The following L3MBTL4 variants were observed in gnomAD, a reference collection of about 807,000 sequenced individuals.
L3MBTL4 encodes lethal(3)malignant brain tumor-like protein 4.
A neutral mutation model predicts 84.5 loss-of-function variants in L3MBTL4; 70 were observed. That is an observed-to-expected ratio of 0.83 (90% CI 0.68 to 1.01). The LOEUF (loss-of-function observed/expected upper bound fraction) is 1.01, where lower values mean the gene tolerates loss of function less well. L3MBTL4 is among the 50% of genes least tolerant of loss of function. L3MBTL4 has a pLI of 0.00. For synonymous variants in L3MBTL4, 274 were observed against 259.8 expected, an observed-to-expected ratio of 1.05 and a Z score of -0.52; for missense variants, 715 against 754.8, an observed-to-expected ratio of 0.95 and a Z score of 0.62.
At chr18:5,978,327 C>G (rs989106102) in intron 16 of L3MBTL4, among the ~76,000 whole-genome samples, 16 of 152,178 alleles carry the variant, frequency 1.1e-4, no homozygotes, top group African/African-American at 3.4e-4. Flanking sequence ...ATAGGTTAGT[C>G]ATCCAATACA....
At chr18:5,962,524 C>G (rs1440036175) in intron 17 of L3MBTL4, among the ~76,000 whole-genome samples, 1 of 152,098 alleles carries the variant, frequency 6.6e-6, no homozygotes, top group Non-Finnish European at 1.5e-5. Flanking sequence ...GAGCCCTGAG[C>G]CTTGGCACTC....
intron 12 of L3MBTL4, among the ~76,000 whole-genome samples, chr18:6,189,693 A>G (rs1430655236): frequency 6.6e-6 from 1 of 152,218 alleles, no homozygotes; most frequent in African/African-American, 2.4e-5. Context: ...ATGATCTAAA[A>G]AGGAACAAAA....
intron 16 of L3MBTL4, among the ~76,000 whole-genome samples, chr18:5,989,417 G>A (rs2053594553): frequency 6.6e-6 from 1 of 152,150 alleles, no homozygotes. Flanking sequence ...AAACCATATA[G>A]ATAAATCTGT....
intron 5 of L3MBTL4, among the ~76,000 whole-genome samples, chr18:6,263,269 C>CA (rs750079581): frequency 0.052 from 3,144 of 60,514 alleles, 63 homozygotes; most frequent in East Asian, 0.19. Context: ...CTCCGTCTCA[C>CA]AAAAAAAAAA....
chr18:6,278,862 C>T (rs1385499929), intron 4 of L3MBTL4, among the ~76,000 whole-genome samples: 1 of 148,032 alleles, frequency 6.8e-6, no homozygotes, highest in Non-Finnish European at 1.5e-5. Context: ...CTCGCTTTTA[C>T]TTAAAAAAAA....
chr18:5,994,636 A>G (rs565843143), intron 16 of L3MBTL4, among the ~76,000 whole-genome samples: 69 of 152,270 alleles, frequency 4.5e-4, no homozygotes, highest in African/African-American at 1.6e-3. Flanking sequence ...CTCCCATGCC[A>G]CTGTACTGCT....
At chr18:6,147,610 C>T (rs969945232) in intron 13 of L3MBTL4, among the ~76,000 whole-genome samples, 4 of 152,120 alleles carry the variant, frequency 2.6e-5, no homozygotes, top group Non-Finnish European at 5.9e-5. Context: ...TAACCATCTG[C>T]CTGACATAGG....
At chr18:6,404,608 G>C (rs942182277) in intron 1 of L3MBTL4, among the ~76,000 whole-genome samples, 1 of 152,122 alleles carries the variant, frequency 6.6e-6, no homozygotes, top group Non-Finnish European at 1.5e-5. Context: ...ACCTTGAAGG[G>C]AACTGGATAA....
chr18:6,233,979 G>A (rs371957206), intron 10 of L3MBTL4, among the ~76,000 whole-genome samples: 3 of 152,038 alleles, frequency 2.0e-5, no homozygotes, highest in South Asian at 2.1e-4. Context: ...ATATAGACCA[G>A]TGGAACAGAA....
At chr18:6,139,440 C>A (rs978795551) in intron 13 of L3MBTL4, among the ~76,000 whole-genome samples, 4 of 152,040 alleles carry the variant, frequency 2.6e-5, no homozygotes, top group African/African-American at 9.7e-5. Flanking sequence ...GTAGCAAAAC[C>A]TCCATGCCCT....
intron 4 of L3MBTL4, among the ~76,000 whole-genome samples, chr18:6,299,369 C>A (rs1159310660): frequency 6.6e-6 from 1 of 152,038 alleles, no homozygotes; most frequent in South Asian, 2.1e-4. Flanking sequence ...GTTTTCTCTG[C>A]CTTTGTGTTA....
Position 6,077,602 on chromosome 18 carries a change from T to C in L3MBTL4, c.1444+3279A>G, listed in dbSNP as rs117101929. Among the ~76,000 whole-genome samples the C allele has an allele frequency of 3.9e-3, 587 of 151,856 alleles. 1 individual carries two copies. The highest frequency in any genetic ancestry group is 7.5e-3 in the Non-Finnish European group (508 of 67,980). The stretch of plus-strand genomic sequence containing the variant: ...GTGAAAATGGAAAACATGCCCAAGA[T>C]ATAAAAAACAGAATCTGCGTGTGCA... On this transcript the variant is annotated intron_variant, in intron 16 of 18. Coordinates refer to ENST00000317931, the MANE Select transcript of L3MBTL4 (RefSeq NM_001330559.2).
At chr18:6,007,738 T>TC in intron 16 of L3MBTL4, among the ~76,000 whole-genome samples, 1 of 152,166 alleles carries the variant, frequency 6.6e-6, no homozygotes, top group Non-Finnish European at 1.5e-5. Flanking sequence ...TAATGATATA[T>TC]CCATCCAGTG....
intron 1 of L3MBTL4, among the ~76,000 whole-genome samples, chr18:6,315,300 C>G (rs1369027563): frequency 6.6e-6 from 1 of 152,188 alleles, no homozygotes; most frequent in African/African-American, 2.4e-5. Flanking sequence ...CCAGTTGATA[C>G]TCGATGTTAA....
chr18:6,026,290 T>G (rs556849571), intron 16 of L3MBTL4, among the ~76,000 whole-genome samples: 1 of 152,370 alleles, frequency 6.6e-6, no homozygotes, highest in South Asian at 2.1e-4. Flanking sequence ...TTGACCATTA[T>G]TTCAAGTGGG....
chr18:6,018,778 G>C (rs1183603845), intron 16 of L3MBTL4, among the ~76,000 whole-genome samples: 1 of 152,218 alleles, frequency 6.6e-6, no homozygotes, highest in South Asian at 2.1e-4. Context: ...TGCTCTGAAA[G>C]AGTTAAGGTC....
chr18:6,196,910 G>A (rs528414417), intron 12 of L3MBTL4, among the ~76,000 whole-genome samples: 4 of 152,144 alleles, frequency 2.6e-5, no homozygotes, highest in South Asian at 4.1e-4. Context: ...GGTCAGCCCC[G>A]GCTTTCTCTC....
At chr18:5,995,375 C>T (rs1189535017) in intron 16 of L3MBTL4, among the ~76,000 whole-genome samples, 1 of 152,168 alleles carries the variant, frequency 6.6e-6, no homozygotes, top group Non-Finnish European at 1.5e-5. Flanking sequence ...AAAGCCTGAA[C>T]CATTTTTTTT....
chr18:6,375,560 A>G (rs2054330602), intron 1 of L3MBTL4, among the ~76,000 whole-genome samples: 1 of 152,130 alleles, frequency 6.6e-6, no homozygotes, highest in Admixed American at 6.5e-5. Flanking sequence ...TTCCCTTAGC[A>G]TGACACTCAG....
Sources: gnomAD v4.1 joint callset for allele counts (sites outside exome capture counted in the v4.1 genomes callset) on GRCh38, gnomAD v4.1.1 for gene constraint, MANE v1.5 for transcripts, NCBI Gene and HGNC (gene_info 2026-07-23, HGNC 2026-07-21) for gene names.